The following NTN1 variants were observed in gnomAD, a reference collection of about 807,000 sequenced individuals.
NTN1 encodes netrin-1.
Under a neutral mutation model 54.2 loss-of-function variants are expected in NTN1, and 11 were observed. The observed-to-expected ratio is 0.20, with a 90% confidence interval of 0.13 to 0.34. NTN1 has a LOEUF of 0.34. Ranked by LOEUF, NTN1 falls within the 10% of genes least tolerant of loss-of-function variation. The probability of loss-of-function intolerance (pLI) is 1.00; values close to 1 mark genes in which losing one functional copy is unlikely to be tolerated. For synonymous variants in NTN1, 371 were observed against 382.0 expected, an observed-to-expected ratio of 0.97 and a Z score of 0.33; for missense variants, 740 against 893.1, an observed-to-expected ratio of 0.83 and a Z score of 2.18.
intron 5 of NTN1, among the ~76,000 whole-genome samples, chr17:9,184,045 T>A (rs994529102): frequency 1.3e-5 from 2 of 152,180 alleles, no homozygotes; most frequent in African/African-American, 4.8e-5. Flanking sequence ...CAGAAAGGAC[T>A]GTAGCGAGGG....
intron 2 of NTN1, among the ~76,000 whole-genome samples, chr17:9,098,183 C>A (rs1207214454): frequency 6.6e-6 from 1 of 152,190 alleles, no homozygotes; most frequent in Admixed American, 6.5e-5. Context: ...CCCTCCCATG[C>A]CCGTTCCCAG....
chr17:9,206,563 G>T (rs551016098), intron 5 of NTN1, among the ~76,000 whole-genome samples: 1 of 152,100 alleles, frequency 6.6e-6, no homozygotes, highest in Non-Finnish European at 1.5e-5. Context: ...GCCTCTCCGT[G>T]CCTTCCCTTT....
At chr17:9,022,209 G>C (rs1458795797) in intron 1 of NTN1, 102 bp from the exon 2 acceptor site, 3 of 771,506 alleles carry the variant, frequency 3.9e-6, no homozygotes, top group Non-Finnish European at 5.3e-6. Context: ...CGGGGTGGGT[G>C]CCCAGGAAGC....
rs2092371637 is a variant in NTN1, at chr17:9,165,852, G to T, written c.1207+2851G>T. On this transcript the variant is annotated intron_variant, in intron 3 of 6. Coordinates refer to ENST00000173229, the MANE Select transcript of NTN1 (RefSeq NM_004822.3). The surrounding 1 kb of genome is among the most constrained non-coding windows in gnomAD (Gnocchi z 4.5). Reference sequence around the variant, plus strand: ...TTTCTGATTGGTGAGAAAAAGCATTGCCCAGAGATCTCTGCTTCATGATTG... The same window carrying T: ...TTTCTGATTGGTGAGAAAAAGCATTTCCCAGAGATCTCTGCTTCATGATTG... 6.6e-6 allele frequency among the ~76,000 whole-genome samples: 1 copy of T among 152,120 alleles called. No homozygotes were observed. The highest frequency in any genetic ancestry group is 6.5e-5 in the Admixed American group (1 of 15,272).
intron 6 of NTN1, among the ~76,000 whole-genome samples, chr17:9,238,116 G>T (rs574728528): frequency 6.6e-5 from 10 of 152,172 alleles, no homozygotes; most frequent in Non-Finnish European, 1.5e-4. Flanking sequence ...CCCTCGGAGT[G>T]CAGGAGCAGA....
intron 5 of NTN1, among the ~76,000 whole-genome samples, chr17:9,208,915 C>T (rs1489189573): frequency 6.6e-6 from 1 of 152,238 alleles, no homozygotes; most frequent in Non-Finnish European, 1.5e-5. Context: ...GGACCCAGGA[C>T]ACTGCATCTC....
At chr17:9,044,553 G>T (rs2142193563) in intron 2 of NTN1, among the ~76,000 whole-genome samples, 1 of 151,902 alleles carries the variant, frequency 6.6e-6, no homozygotes, top group East Asian at 1.9e-4. Context: ...ATGTTTTTTA[G>T]TTTGGTTTTT....
At chr17:9,061,101 C>G (rs2142207344) in intron 2 of NTN1, among the ~76,000 whole-genome samples, 1 of 152,122 alleles carries the variant, frequency 6.6e-6, no homozygotes, top group African/African-American at 2.4e-5. Flanking sequence ...TTGCTTTGCA[C>G]AGGGGAAAGA....
At chr17:9,033,423 G>T (rs2091893597) in intron 2 of NTN1, among the ~76,000 whole-genome samples, 1 of 152,188 alleles carries the variant, frequency 6.6e-6, no homozygotes, top group Admixed American at 6.5e-5. Flanking sequence ...GTCTGCAGAA[G>T]AAGTGAGGCA....
intron 6 of NTN1, among the ~76,000 whole-genome samples, chr17:9,226,165 G>GGGT (rs1567744777): frequency 6.9e-6 from 1 of 144,282 alleles, no homozygotes; most frequent in Non-Finnish European, 1.5e-5. Context: ...TTGGGGTCGG[G>GGGT]GGGGGGCCTC....
At chr17:9,049,750 A>T (rs889861767) in intron 2 of NTN1, among the ~76,000 whole-genome samples, 14 of 152,188 alleles carry the variant, frequency 9.2e-5, no homozygotes, top group African/African-American at 2.9e-4. Flanking sequence ...AGACAAAGAC[A>T]TGTGCGGGAC....
At chr17:9,183,038 G>C in intron 5 of NTN1, 69 bp downstream of exon 5, 1 of 1,507,992 alleles carries the variant, frequency 6.6e-7, no homozygotes, top group East Asian at 2.3e-5. Flanking sequence ...TGGGTTAATG[G>C]GGAAGGGGCA....
intron 2 of NTN1, among the ~76,000 whole-genome samples, chr17:9,025,413 C>A (rs922666241): frequency 3.3e-5 from 5 of 152,156 alleles, no homozygotes; most frequent in African/African-American, 1.2e-4. Flanking sequence ...TAATTAGTAA[C>A]CGTTTTTGTT....
chr17:9,160,733 T>G (rs964606754), intron 2 of NTN1, among the ~76,000 whole-genome samples: 5 of 152,030 alleles, frequency 3.3e-5, no homozygotes, highest in African/African-American at 1.2e-4. Flanking sequence ...CAGGCAGATA[T>G]CTTGAGCCCA....
At chr17:9,205,424 T>C (rs1453093494) in intron 5 of NTN1, among the ~76,000 whole-genome samples, 1 of 152,212 alleles carries the variant, frequency 6.6e-6, no homozygotes, top group Non-Finnish European at 1.5e-5. Flanking sequence ...GCCTGAGACT[T>C]CGAGACCAGC....
At chr17:9,218,004 C>T (rs1480173582) in intron 5 of NTN1, among the ~76,000 whole-genome samples, 1 of 152,228 alleles carries the variant, frequency 6.6e-6, no homozygotes. Flanking sequence ...TCCTCTGCCA[C>T]ACTGGGTGCT....
At chr17:9,090,107 C>A (rs1196594301) in intron 2 of NTN1, among the ~76,000 whole-genome samples, 1 of 151,658 alleles carries the variant, frequency 6.6e-6, no homozygotes, top group African/African-American at 2.4e-5. Context: ...TGACGCCTGT[C>A]TCCTCCCAAC....
the NTN1 span, among the ~76,000 whole-genome samples, chr17:9,004,707 C>T: frequency 6.6e-6 from 1 of 151,694 alleles, no homozygotes; most frequent in Non-Finnish European, 1.5e-5. Context: ...AGGTGAAGCT[C>T]CAGACTCTGG....
intron 5 of NTN1, among the ~76,000 whole-genome samples, chr17:9,218,760 A>G (rs1269613476): frequency 6.6e-6 from 1 of 152,108 alleles, no homozygotes; most frequent in Non-Finnish European, 1.5e-5. Context: ...GGCTCGGAAG[A>G]GCTGACATGC....
Sources: gnomAD v4.1 joint callset for allele counts (sites outside exome capture counted in the v4.1 genomes callset) on GRCh38, gnomAD v4.1.1 for gene constraint, Gnocchi (gnomAD v3.1) non-coding constraint, MANE v1.5 for transcripts, NCBI Gene and HGNC (gene_info 2026-07-23, HGNC 2026-07-21) for gene names.